The following VIRMA variants were observed in gnomAD, a reference collection of about 807,000 sequenced individuals.
VIRMA encodes vir like m6A methyltransferase associated.
VIRMA carries 65 observed loss-of-function variants against 182.4 expected under a neutral mutation model. The ratio of observed to expected loss-of-function variants is 0.36; its 90% CI spans 0.29 to 0.44. VIRMA has a LOEUF of 0.44. VIRMA is among the 20% of genes least tolerant of loss of function. VIRMA has a pLI of 1.00. For synonymous variants in VIRMA, 709 were observed against 743.1 expected, an observed-to-expected ratio of 0.95 and a Z score of 0.75; for missense variants, 1,752 against 2,158.1, an observed-to-expected ratio of 0.81 and a Z score of 3.73.
intron 16 of VIRMA, among the ~76,000 whole-genome samples, chr8:94,504,005 TC>T (rs1474068620): frequency 6.6e-6 from 1 of 151,968 alleles, no homozygotes; most frequent in Non-Finnish European, 1.5e-5. Flanking sequence ...AAACCCGCTC[TC>T]TACTAAAAAT....
intron 1 of VIRMA, among the ~76,000 whole-genome samples, chr8:94,547,869 C>CAA (rs1267941832): frequency 1.4e-4 from 16 of 112,980 alleles, no homozygotes; most frequent in Non-Finnish European, 1.3e-4. Context: ...CCATCTCTAC[C>CAA]AAAAAAAAAA....
At chr8:94,544,641 A>G (rs1815696161) in intron 1 of VIRMA, among the ~76,000 whole-genome samples, 1 of 142,026 alleles carries the variant, frequency 7.0e-6, no homozygotes, top group Non-Finnish European at 1.5e-5. Context: ...AGCCTGGGTG[A>G]CAGAGCGAGC....
chr8:94,551,442 T>C (rs1026157601), intron 1 of VIRMA, among the ~76,000 whole-genome samples: 6 of 152,184 alleles, frequency 3.9e-5, no homozygotes, highest in Non-Finnish European at 8.8e-5. Flanking sequence ...TAATCTCCAA[T>C]ACTGAGTTAT....
In VIRMA at chr8:94,495,872, T is replaced by C. The variant is rs1162930728; in HGVS notation, c.4403A>G (p.Asp1468Gly). 1 of 1,612,926 alleles carries C rather than the reference T, an allele frequency of 6.2e-7. No individual in the cohort carries two copies. Among genetic ancestry groups the C allele is most frequent in the South Asian group, 1.1e-5 (1 of 90,684 alleles). The part of the protein sequence containing the change: ...KLVLEHSKDD[D>G]NLDSLLDSVV... The stretch of plus-strand genomic sequence containing the variant: ...ACTGTCCAACAAAGAATCCAGATTG[T>C]CATCATCTTTTGAATGTTCCTAGAT... The change falls in exon 19 of 24, where the codon GAC becomes GGC. Residue 1468 changes from aspartate to glycine, a missense_variant. By Grantham distance (94) the Asp-to-Gly change is moderately conservative. This residue lies in a region of VIRMA where 777 missense variants were observed against 920.6 expected (regional missense o/e 0.84). Coordinates refer to ENST00000297591, the MANE Select transcript of VIRMA (RefSeq NM_015496.5).
At chr8:94,501,527 G>A (rs1026146973) in intron 16 of VIRMA, among the ~76,000 whole-genome samples, 4 of 152,190 alleles carry the variant, frequency 2.6e-5, no homozygotes, top group African/African-American at 9.7e-5. Flanking sequence ...GTTTGAGACT[G>A]CTACTTCATT....
At chr8:94,496,722 C>G (rs1213088232) in intron 17 of VIRMA, 2 of 352,132 alleles carry the variant, frequency 5.7e-6, no homozygotes, top group African/African-American at 4.2e-5. Flanking sequence ...GACTTTTCAA[C>G]AAAATACCGA....
In VIRMA at chr8:94,489,996, C is replaced by A. The variant is rs1452290196; in HGVS notation, c.5227G>T (p.Gly1743Cys). The change falls in exon 23 of 24, where the codon GGC becomes TGC. Residue 1743 changes from glycine to cysteine, a missense_variant. By Grantham distance (159) the Gly-to-Cys change is radical. Coordinates refer to ENST00000297591, the MANE Select transcript of VIRMA (RefSeq NM_015496.5). ...PRGNYNESRG[G>C]QSNFNRGPLP... is the part of the protein sequence containing the mutation. ...GGGCCTCTGTTAAAATTGCTCTGGC[C>A]TCCACGACTTTCATTGTAATTTCCT... The A allele has an allele frequency of 6.2e-7, 1 of 1,614,182 alleles. No homozygotes were observed. The highest frequency in any genetic ancestry group is 2.2e-5 in the East Asian group (1 of 44,884).
intron 1 of VIRMA, among the ~76,000 whole-genome samples, chr8:94,549,951 G>A (rs1815913863): frequency 6.6e-6 from 1 of 152,082 alleles, no homozygotes. Context: ...ATGAAAATCA[G>A]CCAGGCGTGT....
intron 2 of VIRMA, among the ~76,000 whole-genome samples, chr8:94,542,236 AC>A (rs1350167861): frequency 3.3e-5 from 5 of 152,210 alleles, no homozygotes; most frequent in Non-Finnish European, 7.3e-5. Context: ...AAGTTATAAA[AC>A]ACACTGCCTG....
intron 2 of VIRMA, among the ~76,000 whole-genome samples, chr8:94,540,729 T>C (rs1299100929): frequency 6.6e-6 from 1 of 152,138 alleles, no homozygotes. Context: ...CCCAAAGTGC[T>C]GGGATTACAG....
chr8:94,506,480 T>G lies in VIRMA; in HGVS notation c.4097+20A>C. On this transcript the variant is annotated intron_variant, in intron 16 of 23. Transcript: ENST00000297591. ...GAAAAAATTAAATCTGAGAGTATAT[T>G]AAATTAGACAAATCATTACCTTTTT... 33 of 1,503,422 alleles carry G rather than the reference T, an allele frequency of 2.2e-5. No individual in the cohort carries two copies. The highest frequency in any genetic ancestry group is 2.9e-5 in the Non-Finnish European group (32 of 1,086,930). 93.1% of individuals were successfully genotyped at this position (1,503,422 alleles called of 1,614,324 possible).
chr8:94,493,418 A>T (rs10095883), intron 20 of VIRMA, among the ~76,000 whole-genome samples: 6,076 of 152,344 alleles, frequency 0.04, 131 homozygotes, highest in Middle Eastern at 0.051. Context: ...AACTTTTAAC[A>T]AATATTTTAT....
Position 94,492,715 on chromosome 8 carries a change from C to A in VIRMA, c.4745G>T (p.Arg1582Ile). 6.2e-7 allele frequency: 1 copy of A among 1,613,966 alleles called. No individual in the cohort carries two copies. Among genetic ancestry groups the A allele is most frequent in the South Asian group, 1.1e-5 (1 of 91,080 alleles). ...TTTGAATCCTTTAGTAGTCTTGGTT[C>A]TTCCTGGAGATGATGGTTCTGACAA... is the stretch of plus-strand genomic sequence containing the variant. ...SFLSEPSSPGRTKTTKGFKLG... is the reference protein window; with the variant it reads ...SFLSEPSSPGITKTTKGFKLG... The change falls in exon 21 of 24, where the codon AGA becomes ATA. Residue 1582 changes from arginine to isoleucine, a missense_variant. Transcript: ENST00000297591.
intron 3 of VIRMA, among the ~76,000 whole-genome samples, chr8:94,537,371 A>G (rs190557475): frequency 3.3e-5 from 5 of 152,332 alleles, no homozygotes; most frequent in Admixed American, 2.0e-4. Flanking sequence ...GAGTATGGAC[A>G]TCAATAAATT....
intron 1 of VIRMA, among the ~76,000 whole-genome samples, chr8:94,545,634 G>A (rs1815731670): frequency 6.6e-6 from 1 of 152,182 alleles, no homozygotes. Flanking sequence ...TAGATAAATT[G>A]CCATGATACA....
chr8:94,496,905 G>A (rs758720417), intron 17 of VIRMA: 7 of 153,506 alleles, frequency 4.6e-5, no homozygotes, highest in East Asian at 1.9e-4. Flanking sequence ...CTGTCACATA[G>A]AAAAGTTAAT....
intron 18 of VIRMA, 34 bp downstream of exon 18, chr8:94,496,294 G>C (rs542619120): frequency 1.3e-6 from 2 of 1,577,890 alleles, no homozygotes; most frequent in East Asian, 2.2e-5. Flanking sequence ...GAGGAAAATA[G>C]GCCTTAAGAA....
At chr8:94,509,461 C>G (rs956518106) in intron 15 of VIRMA, among the ~76,000 whole-genome samples, 3 of 151,746 alleles carry the variant, frequency 2.0e-5, no homozygotes, top group African/African-American at 7.3e-5. Flanking sequence ...GAATTAGACC[C>G]TAAAAAATAC....
At chr8:94,505,471 A>G (rs1237413951) in intron 16 of VIRMA, among the ~76,000 whole-genome samples, 2 of 143,880 alleles carry the variant, frequency 1.4e-5, no homozygotes, top group African/African-American at 4.9e-5. Flanking sequence ...GGTTTATATC[A>G]TTTCTTTTTC....
Sources: allele counts gnomAD v4.1 joint callset (sites outside exome capture counted in the v4.1 genomes callset), GRCh38; gene constraint gnomAD v4.1.1; regional missense constraint gnomAD v4.1.1; transcripts MANE v1.5; gene names NCBI Gene and HGNC (gene_info 2026-07-23, HGNC 2026-07-21).